TRDN: variants seen among roughly 807,000 people sequenced by gnomAD.
The protein encoded by TRDN is triadin in skeletal muscle.
Under a neutral mutation model 149.7 loss-of-function variants are expected in TRDN, and 161 were observed. That is an observed-to-expected ratio of 1.08 (90% CI 0.95 to 1.23). TRDN has a LOEUF of 1.23. TRDN is among the 50% of genes most tolerant of loss of function. The pLI, the probability that TRDN is intolerant of heterozygous loss-of-function variation, is 0.00. For missense variants in TRDN, 896 were observed against 823.5 expected, an observed-to-expected ratio of 1.09 and a Z score of -1.08; for synonymous variants, 294 against 250.5, an observed-to-expected ratio of 1.17 and a Z score of -1.64.
chr6:123,382,080 T>C (rs1050811193), intron 15 of TRDN, 38 bp downstream of exon 15: 1 of 1,449,212 alleles, frequency 6.9e-7, no homozygotes, highest in Non-Finnish European at 9.1e-7. Flanking sequence ...TCATGGTTCA[T>C]CAAACATAAG....
intron 17 of TRDN, 55 bp from the exon 18 acceptor site, chr6:123,377,797 T>C: frequency 6.2e-7 from 1 of 1,604,774 alleles, no homozygotes; most frequent in East Asian, 2.2e-5. Context: ...TCAATTGTAA[T>C]TCAGTATTCA....
At chr6:123,374,744 C>T (rs1418929196) in intron 19 of TRDN, among the ~76,000 whole-genome samples, 2 of 151,914 alleles carry the variant, frequency 1.3e-5, no homozygotes, top group Non-Finnish European at 2.9e-5. Flanking sequence ...CGCTGCACTC[C>T]AGCCTGGTGA....
chr6:123,367,706 A>C lies in TRDN; in HGVS notation c.1274-1524T>G, dbSNP rs151226035. Among the ~76,000 whole-genome samples, 16 of 152,364 alleles carry C rather than the reference A, an allele frequency of 1.1e-4. No homozygotes were observed. The East Asian group carries it at 2.9e-3, about 28-fold the overall frequency. ...GTTCACGCTGGAGGGCTATTGAAAC[A>C]GATGCTGAGCGCAAAAGGTCTGATT... On this transcript the variant is annotated intron_variant, in intron 19 of 40. Coordinates refer to ENST00000334268, the MANE Select transcript of TRDN (RefSeq NM_006073.4).
At chr6:123,630,257 A>G (rs1451806903) in intron 1 of TRDN, among the ~76,000 whole-genome samples, 1 of 152,064 alleles carries the variant, frequency 6.6e-6, no homozygotes, top group East Asian at 1.9e-4. Flanking sequence ...TGAAAGAAGA[A>G]AAGAATAATG....
intron 21 of TRDN, among the ~76,000 whole-genome samples, chr6:123,338,359 C>T (rs1420078792): frequency 6.6e-6 from 1 of 152,270 alleles, no homozygotes; most frequent in East Asian, 1.9e-4. Flanking sequence ...TTACAACCAA[C>T]AGAAGTGGAG....
chr6:123,524,057 T>C (rs1212089765), intron 5 of TRDN, among the ~76,000 whole-genome samples: 1 of 152,152 alleles, frequency 6.6e-6, no homozygotes, highest in African/African-American at 2.4e-5. Context: ...CAAACATTAA[T>C]GGCTCCAGGC....
chr6:123,582,884 A>C (rs2114585297), intron 1 of TRDN, among the ~76,000 whole-genome samples: 1 of 152,008 alleles, frequency 6.6e-6, no homozygotes, highest in South Asian at 2.1e-4. Context: ...GGGAACCTAG[A>C]GTGGGAGAGA....
intron 12 of TRDN, among the ~76,000 whole-genome samples, chr6:123,412,227 G>C (rs1267138042): frequency 6.6e-6 from 1 of 152,136 alleles, no homozygotes; most frequent in Non-Finnish European, 1.5e-5. Context: ...TACTTCCCAA[G>C]TCTATATTAT....
intron 20 of TRDN, among the ~76,000 whole-genome samples, chr6:123,353,856 C>T (rs1780557537): frequency 6.6e-6 from 1 of 151,726 alleles, no homozygotes; most frequent in Non-Finnish European, 1.5e-5. Flanking sequence ...AGATGTTAAA[C>T]TAAAAGCAAA....
intron 7 of TRDN, among the ~76,000 whole-genome samples, chr6:123,505,842 C>T (rs1405275539): frequency 1.3e-5 from 2 of 151,720 alleles, no homozygotes; most frequent in East Asian, 1.9e-4. Flanking sequence ...TGGGATTACA[C>T]GCGCCTATCA....
chr6:123,568,362 A>G (rs2114527219), intron 2 of TRDN, among the ~76,000 whole-genome samples: 1 of 152,246 alleles, frequency 6.6e-6, no homozygotes, highest in South Asian at 2.1e-4. Flanking sequence ...GGTCTGGAGG[A>G]CAGTGGCCTC....
intron 10 of TRDN, among the ~76,000 whole-genome samples, chr6:123,460,601 T>C (rs1776393222): frequency 6.6e-6 from 1 of 152,114 alleles, no homozygotes; most frequent in Non-Finnish European, 1.5e-5. Context: ...GTCATGGAGT[T>C]AATGAAATAA....
intron 1 of TRDN, among the ~76,000 whole-genome samples, chr6:123,633,605 C>T (rs1469673585): frequency 6.6e-6 from 1 of 152,124 alleles, no homozygotes; most frequent in East Asian, 1.9e-4. Flanking sequence ...AATATGTTAT[C>T]ATTGCTGTTA....
rs755242844 is a variant in TRDN at position 123,393,692 on chromosome 6, A to G, written c.1052-15T>C. On this transcript the variant is annotated splice_polypyrimidine_tract_variant and intron_variant, in intron 12 of 40. Coordinates refer to ENST00000334268, the MANE Select transcript of TRDN (RefSeq NM_006073.4). ...TTTTCCCGGCTCTTGGAATGAAAAA[A>G]ACATAAATTACCATGAAGTATGATT... 11 of 1,596,680 alleles carry G rather than the reference A, an allele frequency of 6.9e-6. No homozygotes were observed. The highest frequency in any genetic ancestry group is 9.4e-6 in the Non-Finnish European group (11 of 1,169,958).
intron 4 of TRDN, among the ~76,000 whole-genome samples, chr6:123,538,336 G>A (rs1203898541): frequency 3.3e-5 from 5 of 152,068 alleles, no homozygotes; most frequent in East Asian, 1.9e-4. Context: ...AGCAAATCTT[G>A]TTATCTATTT....
At chr6:123,536,199 T>C (rs1780520419) in intron 4 of TRDN, among the ~76,000 whole-genome samples, 2 of 152,186 alleles carry the variant, frequency 1.3e-5, no homozygotes, top group Admixed American at 1.3e-4. Flanking sequence ...TCTCACTAAA[T>C]AACTAAATTT....
At chr6:123,530,444 CG>C in intron 5 of TRDN, 61 bp downstream of exon 5, 1 of 985,198 alleles carries the variant, frequency 1.0e-6, no homozygotes, top group Admixed American at 4.4e-5. Flanking sequence ...AATTTTTTCT[CG>C]CATATGAATA....
chr6:123,418,679 C>T (rs1773763153), intron 12 of TRDN: 1 of 152,068 alleles, frequency 6.6e-6, no homozygotes, highest in Admixed American at 6.6e-5. Context: ...TACACTCAAC[C>T]CCCAACCCCA....
intron 5 of TRDN, 83 bp downstream of exon 5, chr6:123,530,423 A>T: frequency 1.2e-6 from 1 of 833,810 alleles, no homozygotes; most frequent in Non-Finnish European, 1.7e-6. Context: ...TTACAAAAAC[A>T]CTAAACATGA....
Sources: allele counts gnomAD v4.1 joint callset (sites outside exome capture counted in the v4.1 genomes callset), GRCh38; gene constraint gnomAD v4.1.1; transcripts MANE v1.5; gene names NCBI Gene and HGNC (gene_info 2026-07-23, HGNC 2026-07-21).